DNAH8: variants seen among roughly 807,000 people sequenced by gnomAD.
The protein encoded by DNAH8 is axonemal beta dynein heavy chain 8.
DNAH8 carries 382 observed loss-of-function variants against 562.1 expected under a neutral mutation model. The ratio of observed to expected loss-of-function variants is 0.68; its 90% confidence interval spans 0.63 to 0.74. The LOEUF (loss-of-function observed/expected upper bound fraction) is 0.74, where lower values mean the gene tolerates loss of function less well. Among genes scored for constraint, DNAH8 ranks in the 30% least tolerant of loss-of-function variants. The probability of loss-of-function intolerance (pLI) is 0.00; values close to 1 mark genes in which losing one functional copy is unlikely to be tolerated. For synonymous variants in DNAH8, 1,881 were observed against 1,919.4 expected, an observed-to-expected ratio of 0.98 and a Z score of 0.52; for missense variants, 5,203 against 5,620.4, an observed-to-expected ratio of 0.93 and a Z score of 2.37.
chr6:38,764,843 G>T (rs58817640), intron 11 of DNAH8: 33,669 of 151,110 alleles, frequency 0.22, 4,162 homozygotes, highest in East Asian at 0.46. Flanking sequence ...TTTTTTAAAT[G>T]TTTTTTTTTG....
At chr6:38,759,803 C>T (rs962188320) in intron 10 of DNAH8, among the ~76,000 whole-genome samples, 51 of 152,000 alleles carry the variant, frequency 3.4e-4, no homozygotes, top group Non-Finnish European at 6.3e-4. Context: ...AACCAAAATC[C>T]CCCTTACCTC....
intron 24 of DNAH8, among the ~76,000 whole-genome samples, chr6:38,812,293 G>A (rs1014694646): frequency 2.6e-5 from 4 of 152,106 alleles, no homozygotes; most frequent in Admixed American, 6.5e-5. Context: ...GCATTCTCAT[G>A]TCCTTTATCT....
At chr6:38,932,681 A>G (rs1782646079) in intron 76 of DNAH8, among the ~76,000 whole-genome samples, 1 of 152,224 alleles carries the variant, frequency 6.6e-6, no homozygotes, top group Admixed American at 6.5e-5. Context: ...AGACAAAGGC[A>G]AGGTTAGAAA....
chr6:38,834,517 C>T, intron 31 of DNAH8, 62 bp from the exon 32 acceptor site: 1 of 1,126,714 alleles, frequency 8.9e-7, no homozygotes, highest in Non-Finnish European at 1.3e-6. Flanking sequence ...ATAGATAAAC[C>T]CAATAAACTG....
rs566618736 is a variant in DNAH8 at position 38,993,464 on chromosome 6, A to C, written c.13214+3292A>C. ...AGGGTTTTTTTCCCCCACATATGCTATTGTTTTGAATATGTAAAATATGAA... is the reference window on the plus strand; with the variant it reads ...AGGGTTTTTTTCCCCCACATATGCTCTTGTTTTGAATATGTAAAATATGAA... On this transcript the variant is annotated intron_variant, in intron 88 of 92. Coordinates refer to ENST00000327475, the MANE Select transcript of DNAH8 (RefSeq NM_001206927.2). 3.3e-5 allele frequency among the ~76,000 whole-genome samples: 5 copies of C among 151,898 alleles called. No homozygotes were observed. In the South Asian group the frequency reaches 1.0e-3, roughly 32 times the overall value.
chr6:38,880,466 T>C (rs1233276727), intron 53 of DNAH8, among the ~76,000 whole-genome samples: 1 of 152,106 alleles, frequency 6.6e-6, no homozygotes, highest in Non-Finnish European at 1.5e-5. Context: ...AAAATCTCTT[T>C]TGCTGTTTAA....
At chr6:38,847,427 A>G (rs112031184) in intron 36 of DNAH8, among the ~76,000 whole-genome samples, 5 of 152,056 alleles carry the variant, frequency 3.3e-5, no homozygotes, top group African/African-American at 1.2e-4. Flanking sequence ...TGTTTTTGGC[A>G]TATTGACTGC....
rs1430799915 is a variant in DNAH8 at position 38,883,868 on chromosome 6, C to G, written c.8137-8C>G. The G allele has an allele frequency of 1.3e-6, 2 of 1,543,092 alleles. No homozygotes were observed. The highest frequency in any genetic ancestry group is 2.8e-5 in the African/African-American group (2 of 72,522). ...AATGCATAAGACAAAACGTTTCCTT[C>G]TCTCTAGAGAACAATTGAAAGCTAC... On this transcript the variant is annotated splice_polypyrimidine_tract_variant and splice_region_variant and intron_variant, in intron 55 of 92. Transcript: ENST00000327475.
At chr6:38,905,969 G>T (rs1290042162) in intron 62 of DNAH8, among the ~76,000 whole-genome samples, 1 of 151,956 alleles carries the variant, frequency 6.6e-6, no homozygotes, top group Non-Finnish European at 1.5e-5. Context: ...GCAGTGGCAT[G>T]ATCTCGGCTC....
chr6:38,915,675 C>T (rs1408476637), intron 68 of DNAH8, among the ~76,000 whole-genome samples: 3 of 152,112 alleles, frequency 2.0e-5, no homozygotes, highest in Non-Finnish European at 4.4e-5. Flanking sequence ...TGCTCAGTTT[C>T]TCCAGCATCC....
chr6:38,731,069 T>C (rs1763628362), intron 4 of DNAH8, among the ~76,000 whole-genome samples: 1 of 152,224 alleles, frequency 6.6e-6, no homozygotes, highest in Non-Finnish European at 1.5e-5. Context: ...TTAATATATG[T>C]CTTGTTTCTT....
intron 77 of DNAH8, 71 bp downstream of exon 77, chr6:38,935,768 C>A: frequency 2.7e-6 from 3 of 1,114,482 alleles, no homozygotes; most frequent in Non-Finnish European, 3.9e-6. Context: ...CTTTTCAATG[C>A]CCTCATGACT....
intron 82 of DNAH8, among the ~76,000 whole-genome samples, chr6:38,969,714 G>A (rs1763209049): frequency 7.0e-6 from 1 of 143,316 alleles, no homozygotes; most frequent in South Asian, 2.5e-4. Flanking sequence ...TGTGTGGGGG[G>A]GAGTGGGGGG....
intron 30 of DNAH8, among the ~76,000 whole-genome samples, chr6:38,829,336 A>G (rs1379747970): frequency 6.6e-6 from 1 of 152,030 alleles, no homozygotes; most frequent in Non-Finnish European, 1.5e-5. Flanking sequence ...TTTTACTTTG[A>G]TGAAGTCTAG....
In DNAH8 at chr6:38,850,276, A is replaced by T; in HGVS notation, c.5225A>T (p.Asp1742Val). The T allele has an allele frequency of 6.2e-7, 1 of 1,613,464 alleles. No individual in the cohort carries two copies. Among genetic ancestry groups the T allele is most frequent in the Non-Finnish European group, 8.5e-7 (1 of 1,179,582 alleles). Residue 1742 changes from aspartate (D) to valine (V), a missense_variant, in exon 38 of 93, where the codon GAC becomes GTC. Asp to Val is a radical substitution (Grantham distance 152). Coordinates refer to ENST00000327475, the MANE Select transcript of DNAH8 (RefSeq NM_001206927.2). ...PQEAKRFQNI[D>V]KSWIKIMQRA... ...GAAGCAAAACGTTTTCAGAATATTG[A>T]CAAGTCTTGGATAAAAATAATGCAG...
At position 38,866,652 on chromosome 6, in the gene DNAH8, T is replaced by A; in HGVS notation, c.6560T>A (p.Val2187Asp). 5 of 1,613,078 alleles carry A rather than the reference T, an allele frequency of 3.1e-6. No homozygotes were observed. Among genetic ancestry groups the A allele is most frequent in the Non-Finnish European group, 4.2e-6 (5 of 1,179,690 alleles). The change falls in exon 46 of 93, where the codon GTT becomes GAT. Residue 2187 changes from valine (V) to aspartate (D), a missense_variant. Physicochemically the swap from Val to Asp is radical, Grantham distance 152. Coordinates refer to ENST00000327475, the MANE Select transcript of DNAH8 (RefSeq NM_001206927.2). ...PENLKIQFRT[V>D]AMMVPDRQII... ...AACCTAAAAATCCAGTTTAGAACTG[T>A]TGCTATGATGGTTCCTGATAGACAG...
At chr6:38,984,398 TA>T (rs1351604241) in intron 87 of DNAH8, 91 bp downstream of exon 87, 2 of 775,142 alleles carry the variant, frequency 2.6e-6, no homozygotes, top group South Asian at 2.9e-5. Flanking sequence ...AACTCAAGCA[TA>T]CAGCAGAGCT....
chr6:38,753,264 A>G (rs1765622011), intron 9 of DNAH8, among the ~76,000 whole-genome samples: 1 of 152,232 alleles, frequency 6.6e-6, no homozygotes, highest in Non-Finnish European at 1.5e-5. Flanking sequence ...CAAATTGTAT[A>G]TGGTGTTGGA....
At position 38,803,145 on chromosome 6, in the gene DNAH8, T is replaced by C. The variant is rs752980214; in HGVS notation, c.2902-34T>C. On this transcript the variant is annotated intron_variant, in intron 21 of 92. Coordinates refer to ENST00000327475, the MANE Select transcript of DNAH8 (RefSeq NM_001206927.2). ...ATTTTCACAGTGTTACTTTTAAGTA[T>C]CTGGAAAATAATAGTCATTTCTTTA... 4 of 1,481,658 alleles carry C rather than the reference T, an allele frequency of 2.7e-6. No individual in the cohort carries two copies. In the East Asian group the frequency reaches 7.2e-5, roughly 26 times the overall value. 91.8% of individuals were successfully genotyped at this position (1,481,658 alleles called of 1,614,324 possible).
Sources: allele counts gnomAD v4.1 joint callset (sites outside exome capture counted in the v4.1 genomes callset), GRCh38; gene constraint gnomAD v4.1.1; transcripts MANE v1.5; gene names NCBI Gene and HGNC (gene_info 2026-07-23, HGNC 2026-07-21).